The following KIAA1671 variants were observed in gnomAD, a reference collection of about 807,000 sequenced individuals.
The protein encoded by KIAA1671 is uncharacterized protein KIAA1671.
Under a neutral mutation model 131.2 loss-of-function variants are expected in KIAA1671, and 52 were observed. The ratio of observed to expected loss-of-function variants is 0.40; its 90% confidence interval spans 0.32 to 0.50. KIAA1671 has a LOEUF of 0.50. KIAA1671 is among the 20% of genes least tolerant of loss of function. The pLI is 0.73. For synonymous variants in KIAA1671, 1,003 were observed against 961.6 expected (o/e 1.04, Z -0.80); for missense variants, 2,360 against 2,364.2 (o/e 1.00, Z 0.04).
intron 1 of KIAA1671, among the ~76,000 whole-genome samples, chr22:24,995,933 C>T (rs563365719): frequency 6.6e-6 from 1 of 152,316 alleles, no homozygotes; most frequent in East Asian, 1.9e-4. Context: ...GGGATACAGA[C>T]AAGGGGAGGA....
rs1361738773 is a variant in KIAA1671, at chr22:25,106,093, G to C, written c.4530+56729G>C. ...GTTCCCTAGAAGCAGAGACTGACAT[G>C]AGGATTCTGGTGCAGTGATTCATTG... is the stretch of plus-strand genomic sequence containing the variant. On this transcript the variant is annotated intron_variant, in intron 6 of 12. Transcript: ENST00000358431. 1.4e-4 allele frequency among the ~76,000 whole-genome samples: 21 copies of C among 152,202 alleles called. 1 individual carries two copies.
At chr22:25,146,032 CTG>C (rs1405841607) in intron 6 of KIAA1671, among the ~76,000 whole-genome samples, 1 of 152,084 alleles carries the variant, frequency 6.6e-6, no homozygotes, top group African/African-American at 2.4e-5. Flanking sequence ...GCACATGTGT[CTG>C]TATGAATGCA....
At chr22:25,032,325 GA>G (rs1926339040) in intron 3 of KIAA1671, among the ~76,000 whole-genome samples, 2 of 152,200 alleles carry the variant, frequency 1.3e-5, no homozygotes, top group Non-Finnish European at 2.9e-5. Flanking sequence ...TATAGATGAA[GA>G]AACAGAGGCT....
At position 25,093,834 on chromosome 22, in the gene KIAA1671, G is replaced by GTCTCTCTCTCTTTCTCTCTCTCTCTCTC. The variant is rs1568951583; in HGVS notation, c.4530+44473_4530+44474insCTCTCTCTTTCTCTCTCTCTCTCTCTCT. ...TCTGTCTCTCTCTCTTTCTCTCTCT[G>GTCTCTCTCTCTTTCTCTCTCTCTCTCTC]TCTGTCTCTCTCTCTCTCTCTCTCT... On this transcript the variant is annotated intron_variant, in intron 6 of 12. Transcript: ENST00000358431. Among the ~76,000 whole-genome samples, 3 of 16,942 alleles carry GTCTCTCTCTCTTTCTCTCTCTCTCTCTC rather than the reference G, an allele frequency of 1.8e-4. 1 individual carries two copies. The highest frequency in any genetic ancestry group is 3.3e-4 in the Non-Finnish European group (3 of 9,082). 11.1% of individuals were successfully genotyped at this position (16,942 alleles called of 152,430 possible).
At position 25,093,682 on chromosome 22, in the gene KIAA1671, G is replaced by GACACACAC. The variant is rs67802603; in HGVS notation, c.4530+44367_4530+44374dup. ...GGTACCGGGATCTTCCCTGCCCCCC[G>GACACACAC]ACACACACACACACACACACACACA... On this transcript the variant is annotated intron_variant, in intron 6 of 12. Coordinates refer to ENST00000358431, the MANE Select transcript of KIAA1671 (RefSeq NM_001145206.2). 2.9e-3 allele frequency among the ~76,000 whole-genome samples: 144 copies of GACACACAC among 49,950 alleles called. 2 individuals are homozygous for GACACACAC. The highest frequency in any genetic ancestry group is 0.013 in the East Asian group (22 of 1,662). 32.8% of individuals were successfully genotyped at this position (49,950 alleles called of 152,430 possible).
intron 1 of KIAA1671, among the ~76,000 whole-genome samples, chr22:24,979,027 G>T (rs1923072324): frequency 7.1e-6 from 1 of 141,662 alleles, no homozygotes; most frequent in African/African-American, 2.7e-5. Flanking sequence ...ACAGAGTCTT[G>T]CTCTGTTGCC....
chr22:25,152,746 G>A (rs202240036), intron 6 of KIAA1671, among the ~76,000 whole-genome samples: 2 of 152,122 alleles, frequency 1.3e-5, no homozygotes, highest in African/African-American at 4.8e-5. Context: ...GGGATTACAG[G>A]TGCATGCCAC....
At chr22:24,983,464 C>A (rs1923335384) in intron 1 of KIAA1671, among the ~76,000 whole-genome samples, 1 of 151,970 alleles carries the variant, frequency 6.6e-6, no homozygotes, top group Non-Finnish European at 1.5e-5. Context: ...TCAGACCTAA[C>A]TAATTACATC....
chr22:24,964,473 G>A (rs1261717863), intron 1 of KIAA1671, among the ~76,000 whole-genome samples: 1 of 151,884 alleles, frequency 6.6e-6, no homozygotes, highest in Non-Finnish European at 1.5e-5. Context: ...CCAGGCTGGG[G>A]TCCAGTGGCG....
At chr22:25,080,915 T>C (rs1186304654) in intron 6 of KIAA1671, among the ~76,000 whole-genome samples, 1 of 152,250 alleles carries the variant, frequency 6.6e-6, no homozygotes, top group East Asian at 1.9e-4. Context: ...TCCCGTGCTG[T>C]TGGGAGCTTT....
intron 1 of KIAA1671, among the ~76,000 whole-genome samples, chr22:24,991,186 A>ATTTTT (rs959082854): frequency 6.7e-6 from 1 of 150,144 alleles, no homozygotes; most frequent in Non-Finnish European, 1.5e-5. Context: ...TGCCCAGCTA[A>ATTTTT]TTTTTTTTGT....
chr22:25,108,337 TG>T (rs1931138599), intron 6 of KIAA1671, among the ~76,000 whole-genome samples: 1 of 152,240 alleles, frequency 6.6e-6, no homozygotes, highest in African/African-American at 2.4e-5. Flanking sequence ...TAGGTATTTC[TG>T]GTGTGACTTT....
At chr22:25,048,316 G>A (rs1927356139) in intron 5 of KIAA1671, among the ~76,000 whole-genome samples, 2 of 151,952 alleles carry the variant, frequency 1.3e-5, no homozygotes, top group Non-Finnish European at 2.9e-5. Context: ...TTTATTTAAA[G>A]CCATGGGGGG....
At chr22:25,079,854 G>C (rs1055290815) in intron 6 of KIAA1671, among the ~76,000 whole-genome samples, 2 of 152,118 alleles carry the variant, frequency 1.3e-5, no homozygotes, top group Admixed American at 6.6e-5. Flanking sequence ...CCTTTGAGTA[G>C]GTCCCTCTGG....
At chr22:25,070,431 G>A (rs1928762458) in intron 6 of KIAA1671, 1 of 470,460 alleles carries the variant, frequency 2.1e-6, no homozygotes, top group Non-Finnish European at 3.9e-6. Context: ...GTGGCGGGGG[G>A]CAGTGCAGGC....
At chr22:24,998,842 G>GT (rs560129857) in intron 1 of KIAA1671, among the ~76,000 whole-genome samples, 198 of 145,364 alleles carry the variant, frequency 1.4e-3, no homozygotes, top group South Asian at 7.6e-3. Flanking sequence ...CTATCTGCAG[G>GT]TTTTTTTTTT....
At chr22:25,111,169 GA>G (rs1177599949) in intron 6 of KIAA1671, among the ~76,000 whole-genome samples, 1 of 152,216 alleles carries the variant, frequency 6.6e-6, no homozygotes, top group African/African-American at 2.4e-5. Context: ...CTTAGAGGCA[GA>G]AGCCGTTTCC....
chr22:25,141,700 G>C (rs977055389), intron 6 of KIAA1671, among the ~76,000 whole-genome samples: 13 of 152,100 alleles, frequency 8.5e-5, no homozygotes, highest in African/African-American at 2.9e-4. Flanking sequence ...CTACCTTCTG[G>C]GAACAGCCAA....
Position 25,174,339 on chromosome 22 carries a change from G to A in KIAA1671, c.4749G>A (p.Ser1583=), listed in dbSNP as rs774237672. 1.5e-5 allele frequency: 24 copies of A among 1,551,858 alleles called. No homozygotes were observed. The highest frequency in any genetic ancestry group is 1.2e-4 in the Admixed American group (6 of 50,974). The change falls in exon 8 of 13, where the codon TCG becomes TCA. Residue 1583 remains serine (S), a synonymous_variant. Transcript: ENST00000358431. ...SSLSSQTEPT[S]AGDQYDCSRD... Reference sequence around the variant, plus strand: ...TGTCCTCCCAAACGGAGCCCACCTCGGCAGGGGACCAGTATGACTGCTCCA... The same window carrying A: ...TGTCCTCCCAAACGGAGCCCACCTCAGCAGGGGACCAGTATGACTGCTCCA...
Sources: gnomAD v4.1 joint callset for allele counts (sites outside exome capture counted in the v4.1 genomes callset) on GRCh38, gnomAD v4.1.1 for gene constraint, MANE v1.5 for transcripts, NCBI Gene and HGNC (gene_info 2026-07-23, HGNC 2026-07-21) for gene names.